Variants in RAD51B observed in about 807,000 individuals in gnomAD.
RAD51B encodes the protein DNA repair protein RAD51 homolog 2.
In RAD51B, 38 loss-of-function variants were observed where a neutral mutation model predicts 42.2. That is an observed-to-expected ratio of 0.90 (90% CI 0.70 to 1.18). The LOEUF (loss-of-function observed/expected upper bound fraction) is 1.18. Ranked by LOEUF, RAD51B falls within the 50% of genes most tolerant of loss-of-function variation. The probability of loss-of-function intolerance (pLI) is 0.00; values close to 1 mark genes in which losing one functional copy is unlikely to be tolerated. For synonymous variants in RAD51B, 154 were observed against 145.2 expected (o/e 1.06, Z -0.43); for missense variants, 373 against 400.7 (o/e 0.93, Z 0.59).
At chr14:67,917,202 A>G (rs991251344) in intron 7 of RAD51B, among the ~76,000 whole-genome samples, 2 of 152,230 alleles carry the variant, frequency 1.3e-5, no homozygotes, top group Non-Finnish European at 2.9e-5. Flanking sequence ...TTGCGTTGCT[A>G]TAAAGGAATA....
intron 10 of RAD51B, among the ~76,000 whole-genome samples, chr14:68,569,546 A>G (rs1008222245): frequency 6.6e-6 from 1 of 152,212 alleles, no homozygotes; most frequent in African/African-American, 2.4e-5. Flanking sequence ...GCTTGTTTCA[A>G]AGAAAGCAGG....
intron 7 of RAD51B, among the ~76,000 whole-genome samples, chr14:67,988,697 T>C (rs2075237895): frequency 6.6e-6 from 1 of 152,166 alleles, no homozygotes; most frequent in African/African-American, 2.4e-5. Context: ...CTGAATTGTG[T>C]GAATTAAAGG....
chr14:67,881,299 C>T (rs927987934), intron 5 of RAD51B, among the ~76,000 whole-genome samples: 2 of 152,210 alleles, frequency 1.3e-5, no homozygotes, highest in African/African-American at 4.8e-5. Flanking sequence ...GCCCAATGCC[C>T]AGTGTATAAT....
intron 8 of RAD51B, among the ~76,000 whole-genome samples, chr14:68,347,970 G>C (rs2082707864): frequency 6.6e-6 from 1 of 152,158 alleles, no homozygotes; most frequent in African/African-American, 2.4e-5. Context: ...TTCCATGTGG[G>C]CCCTGAACAT....
chr14:68,220,914 C>T (rs146135942), intron 7 of RAD51B, among the ~76,000 whole-genome samples: 3,666 of 152,166 alleles, frequency 0.024, 80 homozygotes, highest in Middle Eastern at 0.061. Flanking sequence ...AGGCAGATCA[C>T]GAGGTCAGGA....
intron 9 of RAD51B, among the ~76,000 whole-genome samples, chr14:68,456,267 T>G (rs1338427423): frequency 6.6e-6 from 1 of 152,176 alleles, no homozygotes; most frequent in East Asian, 1.9e-4. Flanking sequence ...TGATTAATGC[T>G]CCAACCAAAA....
At chr14:68,437,294 A>G (rs2085169290) in intron 9 of RAD51B, among the ~76,000 whole-genome samples, 2 of 152,170 alleles carry the variant, frequency 1.3e-5, no homozygotes, top group South Asian at 4.1e-4. Flanking sequence ...AATTCTGTTT[A>G]TGTGATGAAT....
intron 7 of RAD51B, among the ~76,000 whole-genome samples, chr14:67,947,327 A>G (rs1236587077): frequency 2.6e-5 from 4 of 152,326 alleles, no homozygotes; most frequent in Non-Finnish European, 4.4e-5. Context: ...CCTGTAAGGC[A>G]TGTTTAGCTT....
chr14:68,060,729 AG>A (rs2076554337), intron 7 of RAD51B, among the ~76,000 whole-genome samples: 1 of 152,212 alleles, frequency 6.6e-6, no homozygotes, highest in Admixed American at 6.5e-5. Flanking sequence ...GTAACGTAAT[AG>A]GGGAAAAAAT....
intron 9 of RAD51B, among the ~76,000 whole-genome samples, chr14:68,466,717 C>T (rs559182364): frequency 1.1e-4 from 17 of 152,236 alleles, no homozygotes; most frequent in Non-Finnish European, 2.4e-4. Context: ...CATTTGTACT[C>T]ACATTCTGCT....
intron 7 of RAD51B, among the ~76,000 whole-genome samples, chr14:67,915,916 G>A (rs1595102164): frequency 6.6e-6 from 1 of 152,230 alleles, no homozygotes; most frequent in Admixed American, 6.5e-5. Flanking sequence ...AGAGGAAGTA[G>A]CCAAACACTT....
chr14:67,975,815 G>A (rs969810289), intron 7 of RAD51B, among the ~76,000 whole-genome samples: 1 of 152,212 alleles, frequency 6.6e-6, no homozygotes, highest in Non-Finnish European at 1.5e-5. Context: ...AGTTCACACT[G>A]TGTAGAGAAA....
chr14:67,991,243 T>C (rs576051426), intron 7 of RAD51B, among the ~76,000 whole-genome samples: 2 of 152,338 alleles, frequency 1.3e-5, no homozygotes, highest in South Asian at 4.1e-4. Context: ...TTCTCTCTCT[T>C]TCTTGTTCCC....
intron 3 of RAD51B, among the ~76,000 whole-genome samples, chr14:67,831,118 A>C (rs1442631727): frequency 6.6e-6 from 1 of 151,976 alleles, no homozygotes; most frequent in Non-Finnish European, 1.5e-5. Flanking sequence ...CAGGTGATCC[A>C]CCTGCCTCAG....
At chr14:68,587,661 G>T (rs577854697) in intron 10 of RAD51B, among the ~76,000 whole-genome samples, 125 of 151,562 alleles carry the variant, frequency 8.2e-4, no homozygotes, top group Middle Eastern at 3.4e-3. Flanking sequence ...CCCCAGTCCC[G>T]CAGAGCAGCT....
intron 8 of RAD51B, among the ~76,000 whole-genome samples, chr14:68,401,297 C>T (rs1277999755): frequency 6.6e-6 from 1 of 152,114 alleles, no homozygotes; most frequent in African/African-American, 2.4e-5. Flanking sequence ...TCAAAAATGT[C>T]CTGGTTGGAT....
chr14:68,059,234 C>A (rs1011763921), intron 7 of RAD51B, among the ~76,000 whole-genome samples: 12 of 152,196 alleles, frequency 7.9e-5, no homozygotes, highest in Non-Finnish European at 1.8e-4. Flanking sequence ...TGGATTATTA[C>A]AAAGCCAACT....
At chr14:68,135,856 C>T (rs2077997705) in intron 7 of RAD51B, among the ~76,000 whole-genome samples, 1 of 152,174 alleles carries the variant, frequency 6.6e-6, no homozygotes, top group African/African-American at 2.4e-5. Context: ...CCTTAAGTTA[C>T]CTCAGGGATG....
At chr14:68,074,948 A>G (rs1350684477) in intron 7 of RAD51B, among the ~76,000 whole-genome samples, 1 of 152,146 alleles carries the variant, frequency 6.6e-6, no homozygotes, top group Non-Finnish European at 1.5e-5. Flanking sequence ...TGAGAATGTC[A>G]GCTCCTCTCA....
Sources: allele counts gnomAD v4.1 joint callset (sites outside exome capture counted in the v4.1 genomes callset), GRCh38; gene constraint gnomAD v4.1.1; transcripts MANE v1.5; gene names NCBI Gene and HGNC (gene_info 2026-07-23, HGNC 2026-07-21).